The following PLXNB1 variants were observed in gnomAD, a reference collection of about 807,000 sequenced individuals.
PLXNB1 encodes plexin-B1.
In PLXNB1, 106 loss-of-function variants were observed where a neutral mutation model predicts 209.4. The ratio of observed to expected loss-of-function variants is 0.51; its 90% CI spans 0.43 to 0.59. PLXNB1 has a LOEUF of 0.59. PLXNB1 is among the 20% of genes least tolerant of loss of function. PLXNB1 has a pLI of 0.00. For synonymous variants in PLXNB1, 1,167 were observed against 1,183.2 expected (o/e 0.99, Z 0.28); for missense variants, 2,357 against 2,853.2 (o/e 0.83, Z 3.96).
chr3:48,415,947 T>C lies in PLXNB1; in HGVS notation c.3617+84A>G, dbSNP rs2038064218. ...AAGGAGCAGACTGGCCCTCTTCCCC[T>C]TTCTGCTCTCCCCAGGATCTCAGAC... On this transcript the variant is annotated intron_variant, in intron 18 of 37. Transcript: ENST00000296440. This position sits in a 1 kb window ranked among gnomAD's most constrained non-coding sequence, Gnocchi z 5.0. 1 of 1,484,060 alleles carries C rather than the reference T, an allele frequency of 6.7e-7. No homozygotes were observed. Among genetic ancestry groups the C allele is most frequent in the Admixed American group, 2.0e-5 (1 of 49,434 alleles). 91.9% of individuals were successfully genotyped at this position (1,484,060 alleles called of 1,614,324 possible). A position where few individuals can be genotyped will look rare whatever the true frequency, so the allele number is the denominator to read the frequency against.
At chr3:48,421,614 T>C in intron 7 of PLXNB1, 60 bp downstream of exon 7, 2 of 1,489,550 alleles carry the variant, frequency 1.3e-6, no homozygotes, top group Non-Finnish European at 1.8e-6. Flanking sequence ...CCAAGATCTC[T>C]ACCCAGACCT....
chr3:48,422,943 G>A lies in PLXNB1; in HGVS notation c.1112C>T (p.Thr371Ile). 1 of 1,613,016 alleles carries A rather than the reference G, an allele frequency of 6.2e-7. No individual in the cohort carries two copies. The highest frequency in any genetic ancestry group is 8.5e-7 in the Non-Finnish European group (1 of 1,179,476). ...TGAGCCACAGGGATAAGCATCCAGG[G>A]TGTCCTATAGGCAGCAAGAAGCATC... is the stretch of plus-strand genomic sequence containing the variant. The part of the protein sequence containing the change: ...NSDCAQLPVD[T>I]LDAYPCGSDH... The change falls in exon 4 of 38, where the codon ACC becomes ATC. Residue 371 changes from threonine to isoleucine, a missense_variant. Physicochemically the swap from Thr to Ile is moderately conservative, Grantham distance 89 (BLOSUM62 -1). Around this residue, in one of 7 missense-constraint regions of PLXNB1, gnomAD observed 404 missense variants for 443.6 expected, o/e 0.91. Coordinates refer to ENST00000296440, the MANE Select transcript of PLXNB1 (RefSeq NM_001130082.3).
chr3:48,422,094 A>G lies in PLXNB1; in HGVS notation c.1520+11T>C. The stretch of plus-strand genomic sequence containing the variant: ...TTGAGGCTGGGGCTGGGATGGGGTC[A>G]GAAATCTGACCTGCCAAGGAGCACG... On this transcript the variant is annotated intron_variant, in intron 6 of 37. Coordinates refer to ENST00000296440, the MANE Select transcript of PLXNB1 (RefSeq NM_001130082.3). The G allele has an allele frequency of 6.2e-7, 1 of 1,609,952 alleles. No homozygotes were observed. Among genetic ancestry groups the G allele is most frequent in the Non-Finnish European group, 8.5e-7 (1 of 1,176,344 alleles).
At chr3:48,420,603 A>G (rs1252020761) in intron 10 of PLXNB1, 62 bp downstream of exon 10, 1 of 1,357,688 alleles carries the variant, frequency 7.4e-7, no homozygotes, top group African/African-American at 1.4e-5. Flanking sequence ...GGGCCATGAG[A>G]AAAACTCTCA....
chr3:48,410,946 C>G lies in PLXNB1; in HGVS notation c.5338G>C (p.Ala1780Pro), dbSNP rs746112480. ...KVLDCDTISQAKEKMLDQLYK... is the reference protein window; with the variant it reads ...KVLDCDTISQPKEKMLDQLYK... ...AGCTGGTCCAGCATCTTCTCCTTTG[C>G]CTGGGAGATGGTGTCACAGTCTAGG... is the stretch of plus-strand genomic sequence containing the variant. Residue 1780 changes from alanine to proline, a missense_variant, in exon 29 of 38, where the codon GCA becomes CCA. Transcript: ENST00000296440. The surrounding 1 kb of genome is among the most constrained non-coding windows in gnomAD (Gnocchi z 6.4). 2 of 1,613,950 alleles carry G rather than the reference C, an allele frequency of 1.2e-6. No individual in the cohort carries two copies. Among genetic ancestry groups the G allele is most frequent in the South Asian group, 2.2e-5 (2 of 91,046 alleles).
rs762418422 is a variant in PLXNB1 at position 48,409,663 on chromosome 3, G to A, written c.5847C>T (p.Leu1949=). Residue 1949 remains leucine (L), a synonymous_variant, in exon 33 of 38, where the codon CTC becomes CTT. Coordinates refer to ENST00000296440, the MANE Select transcript of PLXNB1 (RefSeq NM_001130082.3). This position sits in a 1 kb window ranked among gnomAD's most constrained non-coding sequence, Gnocchi z 5.8. ...VILSTSRPVP[L]AVKYFFDLLD... is the part of the protein sequence containing the mutation. Reference sequence around the variant, plus strand: ...GCAGGTCAAAGAAGTACTTCACAGCGAGCGGCACGGGGCGGCTGGTGCTGA... The same window carrying A: ...GCAGGTCAAAGAAGTACTTCACAGCAAGCGGCACGGGGCGGCTGGTGCTGA... 26 of 1,613,916 alleles carry A rather than the reference G, an allele frequency of 1.6e-5. No homozygotes were observed. Among genetic ancestry groups the A allele is most frequent in the Middle Eastern group, 3.3e-4 (2 of 6,084 alleles).
chr3:48,422,788 C>T lies in PLXNB1; in HGVS notation c.1267G>A (p.Asp423Asn). The change falls in exon 4 of 38, where the codon GAT becomes AAT. Residue 423 changes from aspartate to asparagine, a missense_variant. Transcript: ENST00000296440. Reference protein sequence around the residue: ...EDGHTIAFLGDSQGQLHRVYL... With the variant: ...EDGHTIAFLGNSQGQLHRVYL... ...ACCCTGTGCAGCTGCCCTTGACTAT[C>T]ACCCAGGAAAGCGATGGTGTGTCCA... 2 of 1,614,052 alleles carry T rather than the reference C, an allele frequency of 1.2e-6. No homozygotes were observed. The highest frequency in any genetic ancestry group is 1.7e-6 in the Non-Finnish European group (2 of 1,179,946).
chr3:48,424,697 G>A (rs2038791925), intron 2 of PLXNB1, 80 bp from the exon 3 acceptor site: 2 of 1,407,240 alleles, frequency 1.4e-6, no homozygotes, highest in Non-Finnish European at 1.9e-6. Context: ...GGATAGGACT[G>A]TGGCATTGCC....
At chr3:48,427,717 G>A (rs1289167504) in intron 1 of PLXNB1, among the ~76,000 whole-genome samples, 3 of 152,170 alleles carry the variant, frequency 2.0e-5, no homozygotes, top group Non-Finnish European at 2.9e-5. Context: ...GGCTCTTGCC[G>A]CTGCCTGGAA....
rs140603920 is a variant in PLXNB1, at chr3:48,423,958, G to A, written c.654C>T (p.Phe218=). 526 of 1,613,872 alleles carry A rather than the reference G, an allele frequency of 3.3e-4. No homozygotes were observed. The highest frequency in any genetic ancestry group is 5.5e-4 in the Admixed American group (33 of 60,012). The change falls in exon 3 of 38, where the codon TTC becomes TTT. Residue 218 remains phenylalanine (F), a synonymous_variant. Coordinates refer to ENST00000296440, the MANE Select transcript of PLXNB1 (RefSeq NM_001130082.3). ...TGGCCCCACGTGCAAAGGCACTCACGAAGTGGTGGCTGTACTCGGAGAGGC... is the reference window on the plus strand; with the variant it reads ...TGGCCCCACGTGCAAAGGCACTCACAAAGTGGTGGCTGTACTCGGAGAGGC... ...VGRLSEYSHH[F]VSAFARGASA...
chr3:48,421,771 C>T lies in PLXNB1; in HGVS notation c.1556G>A (p.Gly519Asp). The change falls in exon 7 of 38, where the codon GGC (glycine) becomes GAC (aspartate). Residue 519 changes from glycine to aspartate, a missense_variant. Coordinates refer to ENST00000296440, the MANE Select transcript of PLXNB1 (RefSeq NM_001130082.3). ...SRRSECSRGQ[G>D]PEQWLWSFQP... The stretch of plus-strand genomic sequence containing the variant: ...GAAGCTCCATAGCCACTGCTCTGGG[C>T]CCTGGCCCCTCGAGCACTCAGAACG... 1 of 1,606,514 alleles carries T rather than the reference C, an allele frequency of 6.2e-7. No individual in the cohort carries two copies. Among genetic ancestry groups the T allele is most frequent in the South Asian group, 1.1e-5 (1 of 90,944 alleles).
chr3:48,410,375 T>C lies in PLXNB1; in HGVS notation c.5526A>G (p.Pro1842=). Residue 1842 remains proline, a synonymous_variant, in exon 31 of 38, where the codon CCA becomes CCG. Coordinates refer to ENST00000296440, the MANE Select transcript of PLXNB1 (RefSeq NM_001130082.3). This position sits in a 1 kb window ranked among gnomAD's most constrained non-coding sequence, Gnocchi z 6.4. ...RLNTLQHYKV[P]DGATVALVPC... ...GGACGAGGGCCACAGTTGCTCCATC[T>C]GGGACCTGCTGAGCACAGCTGGTGA... is the stretch of plus-strand genomic sequence containing the variant. 6.2e-7 allele frequency: 1 copy of C among 1,613,530 alleles called. No individual in the cohort carries two copies. The highest frequency in any genetic ancestry group is 8.5e-7 in the Non-Finnish European group (1 of 1,179,618).
At position 48,413,402 on chromosome 3, in the gene PLXNB1, C is replaced by T. The variant is rs2037833729; in HGVS notation, c.4536-233G>A. On this transcript the variant is annotated intron_variant, in intron 23 of 37. Coordinates refer to ENST00000296440, the MANE Select transcript of PLXNB1 (RefSeq NM_001130082.3). The surrounding 1 kb of genome is among the most constrained non-coding windows in gnomAD (Gnocchi z 5.4). ...AGCCTAGAGATCAGCCAACCACAAC[C>T]AGGCCAAATCCATCCCACAACCTAT... The T allele has an allele frequency of 1.7e-6, 1 of 602,940 alleles. No individual in the cohort carries two copies. Among genetic ancestry groups the T allele is most frequent in the African/African-American group, 1.9e-5 (1 of 53,924 alleles). 37.3% of individuals were successfully genotyped at this position (602,940 alleles called of 1,614,324 possible).
chr3:48,417,769 C>A lies in PLXNB1; in HGVS notation c.3374+142G>T. On this transcript the variant is annotated intron_variant, in intron 16 of 37. Transcript: ENST00000296440. This position sits in a 1 kb window ranked among gnomAD's most constrained non-coding sequence, Gnocchi z 4.4. ...GTGCTCAGGGTCTTCAGTGGCAACGCTGGCACTCGGGCATTGTGGCCAGGA... is the reference window on the plus strand; with the variant it reads ...GTGCTCAGGGTCTTCAGTGGCAACGATGGCACTCGGGCATTGTGGCCAGGA... 5.4e-6 allele frequency: 5 copies of A among 923,624 alleles called. No individual in the cohort carries two copies. In the East Asian group the frequency reaches 1.0e-4, roughly 19 times the overall value. 57.2% of individuals were successfully genotyped at this position (923,624 alleles called of 1,614,324 possible). A position where few individuals can be genotyped will look rare whatever the true frequency, so the allele number is the denominator to read the frequency against.
chr3:48,427,961 G>GAAAC (rs2038982852), intron 1 of PLXNB1, among the ~76,000 whole-genome samples: 1 of 152,202 alleles, frequency 6.6e-6, no homozygotes, highest in African/African-American at 2.4e-5. Context: ...GAAACAGTGT[G>GAAAC]TGCCTGGCAT....
chr3:48,421,515 C>T, intron 7 of PLXNB1, 131 bp from the exon 8 acceptor site: 1 of 1,239,238 alleles, frequency 8.1e-7, no homozygotes, highest in East Asian at 2.4e-5. Context: ...ACCCTCTGGC[C>T]TGAGTTAGAA....
In PLXNB1 at chr3:48,414,918, A is replaced by G. The variant is rs371139590; in HGVS notation, c.4090T>C (p.Phe1364Leu). 3.5e-5 allele frequency: 56 copies of G among 1,613,818 alleles called. No individual in the cohort carries two copies. The highest frequency in any genetic ancestry group is 4.4e-5 in the Non-Finnish European group (52 of 1,180,028). ...AAAGGTGTGGGGTTCAGTGTTGCAA[A>G]GTCAAAGACCAGGTTGTCAAGGATA... Reference protein sequence around the residue: ...EFILDNLVFDFATLNPTPFSY... With the variant: ...EFILDNLVFDLATLNPTPFSY... Residue 1364 changes from phenylalanine (F) to leucine (L), a missense_variant, in exon 21 of 38, where the codon TTT (phenylalanine) becomes CTT (leucine). Coordinates refer to ENST00000296440, the MANE Select transcript of PLXNB1 (RefSeq NM_001130082.3).
Position 48,406,768 on chromosome 3 carries a change from G to A in PLXNB1, c.6228+55C>T. The A allele has an allele frequency of 2.6e-6, 4 of 1,555,456 alleles. No individual in the cohort carries two copies. In the South Asian group the frequency reaches 4.8e-5, roughly 19 times the overall value. On this transcript the variant is annotated intron_variant, in intron 36 of 37. Coordinates refer to ENST00000296440, the MANE Select transcript of PLXNB1 (RefSeq NM_001130082.3). The surrounding 1 kb of genome is among the most constrained non-coding windows in gnomAD (Gnocchi z 4.4). Reference sequence around the variant, plus strand: ...GCAAAGGGGCAGTGTGAAGGGGGAAGGACCGTTGTGGCAGGAGGCCTATGC... The same window carrying A: ...GCAAAGGGGCAGTGTGAAGGGGGAAAGACCGTTGTGGCAGGAGGCCTATGC...
In PLXNB1 at chr3:48,418,054, T is replaced by G. The variant is rs754470964; in HGVS notation, c.3231A>C (p.Pro1077=). Residue 1077 remains proline (P), a synonymous_variant, in exon 16 of 38, where the codon CCA becomes CCC. Transcript: ENST00000296440. The surrounding 1 kb of genome is among the most constrained non-coding windows in gnomAD (Gnocchi z 6.6). ...CPAPLIHSVE[P]LTGPVDGGTR... is the part of the protein sequence containing the mutation. ...TGCCTCCGTCTACAGGCCCAGTCAGTGGCTCCACCTGTTCCAGGACAAGGA... is the reference window on the plus strand; with the variant it reads ...TGCCTCCGTCTACAGGCCCAGTCAGGGGCTCCACCTGTTCCAGGACAAGGA... The G allele has an allele frequency of 3.7e-6, 6 of 1,612,716 alleles. No individual in the cohort carries two copies. Among genetic ancestry groups the G allele is most frequent in the Non-Finnish European group, 5.1e-6 (6 of 1,179,562 alleles).
Sources: gnomAD v4.1 joint callset for allele counts (sites outside exome capture counted in the v4.1 genomes callset) on GRCh38, gnomAD v4.1.1 for gene constraint, gnomAD v4.1.1 regional missense constraint, Gnocchi (gnomAD v3.1) non-coding constraint, MANE v1.5 for transcripts, NCBI Gene and HGNC (gene_info 2026-07-23, HGNC 2026-07-21) for gene names.